Variants in AK5 observed in about 807,000 individuals in gnomAD.
AK5 encodes the protein adenylate kinase isoenzyme 5.
In AK5, 27 loss-of-function variants were observed where a neutral mutation model predicts 69.5. The observed-to-expected ratio is 0.39, with a 90% CI of 0.29 to 0.54. The LOEUF (loss-of-function observed/expected upper bound fraction) is 0.54, where lower values mean the gene tolerates loss of function less well. Ranked by LOEUF, AK5 falls within the 20% of genes least tolerant of loss-of-function variation. AK5 has a pLI of 0.71. For missense variants in AK5, 531 were observed against 700.4 expected (o/e 0.76, Z 2.73); for synonymous variants, 260 against 244.4 (o/e 1.06, Z -0.60).
chr1:77,541,373 A>G (rs1302335622), intron 13 of AK5, among the ~76,000 whole-genome samples: 1 of 152,206 alleles, frequency 6.6e-6, no homozygotes, highest in Non-Finnish European at 1.5e-5. Context: ...GCAGTGAACC[A>G]AGATAGTGCC....
At chr1:77,538,349 AAC>A (rs1420426140) in intron 13 of AK5, among the ~76,000 whole-genome samples, 12 of 148,536 alleles carry the variant, frequency 8.1e-5, no homozygotes, top group East Asian at 3.9e-4. Flanking sequence ...AAAAAAAAAC[AAC>A]AACAACAACA....
intron 6 of AK5, among the ~76,000 whole-genome samples, chr1:77,350,744 A>G (rs1253575158): frequency 6.6e-6 from 1 of 152,168 alleles, no homozygotes; most frequent in Non-Finnish European, 1.5e-5. Context: ...TCCCAGTTTA[A>G]CCATTTTGGT....
At chr1:77,525,967 T>C (rs1658256879) in intron 12 of AK5, among the ~76,000 whole-genome samples, 2 of 152,188 alleles carry the variant, frequency 1.3e-5, no homozygotes, top group Admixed American at 6.5e-5. Context: ...AAAATGATGT[T>C]TCTATTCCTG....
chr1:77,321,472 C>CAA (rs749186735), intron 5 of AK5, among the ~76,000 whole-genome samples: 1 of 131,240 alleles, frequency 7.6e-6, no homozygotes, highest in Non-Finnish European at 1.6e-5. Flanking sequence ...GACTCCGTCT[C>CAA]AAAAAAAAAA....
At chr1:77,442,791 T>G (rs1416993428) in intron 8 of AK5, among the ~76,000 whole-genome samples, 3 of 152,210 alleles carry the variant, frequency 2.0e-5, no homozygotes, top group Non-Finnish European at 4.4e-5. Context: ...TAATTATCCT[T>G]GGCTGCAAGG....
chr1:77,536,156 C>T, intron 13 of AK5, 118 bp downstream of exon 13: 1 of 1,168,756 alleles, frequency 8.6e-7, no homozygotes, highest in Admixed American at 2.8e-5. Context: ...GAACTCTGTG[C>T]AGCTGCAGCA....
chr1:77,381,588 A>G (rs188370025), intron 6 of AK5, among the ~76,000 whole-genome samples: 1 of 152,334 alleles, frequency 6.6e-6, no homozygotes, highest in African/African-American at 2.4e-5. Context: ...GTAGCAAAAT[A>G]TTACTTTACT....
In AK5 at chr1:77,546,289, C is replaced by G. The variant is rs192280503; in HGVS notation, c.1620+10251C>G. Among the ~76,000 whole-genome samples the G allele has an allele frequency of 2.7e-3, 414 of 152,292 alleles. 2 individuals are homozygous for G. The highest frequency in any genetic ancestry group is 9.6e-3 in the African/African-American group (400 of 41,550). On this transcript the variant is annotated intron_variant, in intron 13 of 13. Coordinates refer to ENST00000354567, the MANE Select transcript of AK5 (RefSeq NM_174858.3). The stretch of plus-strand genomic sequence containing the variant: ...CCCCCTTCACTGAGGTCCACTTTAA[C>G]TCAGAACCCCTCCCAGAGTCACTGA...
chr1:77,535,217 A>G (rs960416036), intron 12 of AK5, among the ~76,000 whole-genome samples: 1 of 152,176 alleles, frequency 6.6e-6, no homozygotes, highest in African/African-American at 2.4e-5. Context: ...TTTCCGCTAC[A>G]GTCTGTTGGT....
chr1:77,504,503 T>C (rs1414642396), intron 10 of AK5, among the ~76,000 whole-genome samples: 1 of 152,170 alleles, frequency 6.6e-6, no homozygotes, highest in Non-Finnish European at 1.5e-5. Context: ...CTACTTTTTA[T>C]ACTTAACAAA....
At chr1:77,341,019 C>T (rs899885103) in intron 6 of AK5, 15 of 152,926 alleles carry the variant, frequency 9.8e-5, no homozygotes, top group Non-Finnish European at 1.5e-5. Flanking sequence ...GAGGTTCTGA[C>T]TTCACAGAAA....
At chr1:77,462,251 C>T (rs80244170) in intron 8 of AK5, among the ~76,000 whole-genome samples, 2,934 of 152,184 alleles carry the variant, frequency 0.019, 88 homozygotes, top group East Asian at 0.12. Flanking sequence ...TGCCTTGATC[C>T]AGCGAGGCTG....
intron 5 of AK5, among the ~76,000 whole-genome samples, chr1:77,308,813 A>G (rs1485302126): frequency 6.6e-6 from 1 of 152,142 alleles, no homozygotes; most frequent in East Asian, 1.9e-4. Flanking sequence ...TGCAAAAAAT[A>G]CAAAAATTAG....
At chr1:77,539,705 C>T (rs147905737) in intron 13 of AK5, among the ~76,000 whole-genome samples, 2,058 of 152,296 alleles carry the variant, frequency 0.014, 19 homozygotes, top group South Asian at 0.018. Context: ...ACTCTGTTGT[C>T]TGGCCTCTGG....
intron 5 of AK5, among the ~76,000 whole-genome samples, chr1:77,316,757 G>C (rs981607004): frequency 7.9e-5 from 12 of 152,144 alleles, no homozygotes; most frequent in African/African-American, 2.9e-4. Context: ...TTTTGAAATT[G>C]ATAATATGTT....
At chr1:77,553,838 G>A (rs528754988) in intron 13 of AK5, among the ~76,000 whole-genome samples, 10 of 152,276 alleles carry the variant, frequency 6.6e-5, no homozygotes, top group Middle Eastern at 3.4e-3. Flanking sequence ...TCCTCCCAGC[G>A]TTTGATAAGG....
chr1:77,432,262 G>T (rs1651689209), intron 8 of AK5, among the ~76,000 whole-genome samples: 1 of 152,068 alleles, frequency 6.6e-6, no homozygotes, highest in Non-Finnish European at 1.5e-5. Flanking sequence ...CAGATTGTTG[G>T]TCTGGTCCCA....
At chr1:77,350,398 T>G (rs1036399106) in intron 6 of AK5, among the ~76,000 whole-genome samples, 2 of 151,932 alleles carry the variant, frequency 1.3e-5, no homozygotes, top group Non-Finnish European at 2.9e-5. Context: ...GGGACAGAGG[T>G]GCTGTCATCA....
chr1:77,556,237 C>G (rs982982505), intron 13 of AK5, among the ~76,000 whole-genome samples: 2 of 152,196 alleles, frequency 1.3e-5, no homozygotes, highest in Non-Finnish European at 2.9e-5. Flanking sequence ...CCCCATATGT[C>G]TCCCCTGTCA....
Sources: allele counts gnomAD v4.1 joint callset (sites outside exome capture counted in the v4.1 genomes callset), GRCh38; gene constraint gnomAD v4.1.1; transcripts MANE v1.5; gene names NCBI Gene and HGNC (gene_info 2026-07-23, HGNC 2026-07-21).